The following STK3 variants were observed in gnomAD, a reference collection of about 807,000 sequenced individuals.
The protein encoded by STK3 is serine/threonine kinase 3.
A neutral mutation model predicts 58.0 loss-of-function variants in STK3; 41 were observed. That is an observed-to-expected ratio of 0.71 (90% CI 0.55 to 0.92). The LOEUF (loss-of-function observed/expected upper bound fraction) is 0.92. Ranked by LOEUF, STK3 falls within the 40% of genes least tolerant of loss-of-function variation. The probability of loss-of-function intolerance (pLI) is 0.00; values close to 1 mark genes in which losing one functional copy is unlikely to be tolerated. For missense variants in STK3, 479 were observed against 602.7 expected, an observed-to-expected ratio of 0.79 and a Z score of 2.15; for synonymous variants, 170 against 191.0, an observed-to-expected ratio of 0.89 and a Z score of 0.91.
At chr8:98,383,657 A>C (rs570809535) in intron 1 of STK3, among the ~76,000 whole-genome samples, 1 of 152,246 alleles carries the variant, frequency 6.6e-6, no homozygotes, top group Non-Finnish European at 1.5e-5. Context: ...AACAGAAGTC[A>C]CTGGGTCAGA....
chr8:98,695,918 G>C (rs1210217236), intron 6 of STK3, among the ~76,000 whole-genome samples: 1 of 152,090 alleles, frequency 6.6e-6, no homozygotes, highest in Non-Finnish European at 1.5e-5. Context: ...TTGGTAGCTT[G>C]ATGGGGATGG....
chr8:98,640,258 C>T (rs1819914045), intron 6 of STK3, among the ~76,000 whole-genome samples: 3 of 152,042 alleles, frequency 2.0e-5, no homozygotes, highest in Non-Finnish European at 4.4e-5. Context: ...CCATGTTGTC[C>T]AGGCTGGTCT....
At chr8:98,779,557 G>A (rs1831946148) in intron 1 of STK3, among the ~76,000 whole-genome samples, 1 of 152,068 alleles carries the variant, frequency 6.6e-6, no homozygotes, top group Non-Finnish European at 1.5e-5. Context: ...TTACCTACAG[G>A]CTATGTGTAT....
chr8:98,848,075 A>G (rs1271887375), intron 3 of STK3, among the ~76,000 whole-genome samples: 1 of 152,150 alleles, frequency 6.6e-6, no homozygotes, highest in Non-Finnish European at 1.5e-5. Context: ...TCCATGCCGC[A>G]CAATTCACTC....
At chr8:98,626,888 C>T (rs937193450) in intron 6 of STK3, among the ~76,000 whole-genome samples, 5 of 152,228 alleles carry the variant, frequency 3.3e-5, no homozygotes, top group African/African-American at 1.2e-4. Context: ...TCTAGCTCCA[C>T]ACTGCTTTCT....
At chr8:98,611,669 T>C (rs1447724271) in intron 6 of STK3, among the ~76,000 whole-genome samples, 4 of 152,172 alleles carry the variant, frequency 2.6e-5, no homozygotes, top group Non-Finnish European at 5.9e-5. Flanking sequence ...AATTCCAAAC[T>C]CTATGCCAGT....
At chr8:98,903,103 G>C (rs565746123) in intron 1 of STK3, among the ~76,000 whole-genome samples, 1 of 152,082 alleles carries the variant, frequency 6.6e-6, no homozygotes, top group Non-Finnish European at 1.5e-5. Flanking sequence ...CTAGCCATGC[G>C]GGTCTCCTTT....
intron 10 of STK3, among the ~76,000 whole-genome samples, chr8:98,510,583 T>G (rs766337411): frequency 6.7e-6 from 1 of 148,884 alleles, no homozygotes; most frequent in Admixed American, 6.7e-5. Flanking sequence ...TTAAATGCAG[T>G]TTTTTTTTAC....
chr8:98,397,892 A>G (rs1048586464), downstream of STK3, among the ~76,000 whole-genome samples: 41 of 152,126 alleles, frequency 2.7e-4, no homozygotes, highest in African/African-American at 9.9e-4. Flanking sequence ...ACCTTCTACC[A>G]TGATTGAAAG....
intron 4 of STK3, among the ~76,000 whole-genome samples, chr8:98,736,739 C>G (rs1181724946): frequency 2.0e-5 from 3 of 151,624 alleles, no homozygotes; most frequent in Non-Finnish European, 4.4e-5. Flanking sequence ...ACTTACTACT[C>G]TTAAAACAAA....
intron 3 of STK3, among the ~76,000 whole-genome samples, chr8:98,867,974 A>G (rs1226130242): frequency 6.6e-6 from 1 of 152,136 alleles, no homozygotes; most frequent in Non-Finnish European, 1.5e-5. Context: ...CTTGCCTAAC[A>G]TTTCAAAGAA....
chr8:98,890,942 A>G (rs987840255), intron 1 of STK3, among the ~76,000 whole-genome samples: 2 of 152,244 alleles, frequency 1.3e-5, no homozygotes, highest in Non-Finnish European at 1.5e-5. Flanking sequence ...AGCCTTGAGC[A>G]TGGTTATCAA....
At chr8:98,494,446 A>G (rs1822963953) in intron 10 of STK3, among the ~76,000 whole-genome samples, 1 of 152,084 alleles carries the variant, frequency 6.6e-6, no homozygotes, top group African/African-American at 2.4e-5. Context: ...TTGCATTATA[A>G]TTGTTTGCAT....
chr8:98,352,475 A>G, the STK3 span, among the ~76,000 whole-genome samples: 1 of 152,176 alleles, frequency 6.6e-6, no homozygotes, highest in Non-Finnish European at 1.5e-5. Flanking sequence ...CTCCAACATG[A>G]TGCAAGTGAA....
intron 8 of STK3, among the ~76,000 whole-genome samples, chr8:98,576,094 G>C (rs192914578): frequency 6.6e-6 from 1 of 152,266 alleles, no homozygotes; most frequent in African/African-American, 2.4e-5. Flanking sequence ...AAACATAGGG[G>C]TCTAACTTCA....
chr8:98,831,702 G>A (rs775068950), intron 3 of STK3, among the ~76,000 whole-genome samples: 5 of 152,120 alleles, frequency 3.3e-5, no homozygotes, highest in Non-Finnish European at 5.9e-5. Flanking sequence ...ATTTGGAAAT[G>A]TTTTCCTTCA....
At chr8:98,778,562 T>C (rs1157104218) in intron 1 of STK3, among the ~76,000 whole-genome samples, 1 of 152,186 alleles carries the variant, frequency 6.6e-6, no homozygotes, top group African/African-American at 2.4e-5. Flanking sequence ...ATCATGCTGC[T>C]ATAAAGACAC....
intron 4 of STK3, among the ~76,000 whole-genome samples, chr8:98,727,556 G>A (rs1254623960): frequency 6.6e-6 from 1 of 152,130 alleles, no homozygotes; most frequent in Non-Finnish European, 1.5e-5. Flanking sequence ...GAAGTTCTTG[G>A]AAAAGAGGTT....
the STK3 span, among the ~76,000 whole-genome samples, chr8:98,361,218 T>A: frequency 1.3e-5 from 2 of 152,216 alleles, no homozygotes; most frequent in East Asian, 3.8e-4. Context: ...AAGAGCTTCA[T>A]GCTGGGAGTT....
Sources: gnomAD v4.1 joint callset for allele counts (sites outside exome capture counted in the v4.1 genomes callset) on GRCh38, gnomAD v4.1.1 for gene constraint, MANE v1.5 for transcripts, NCBI Gene and HGNC (gene_info 2026-07-23, HGNC 2026-07-21) for gene names.